LACTB2: variants seen among roughly 807,000 people sequenced by gnomAD.
LACTB2 encodes the protein lactamase beta 2, also known as endoribonuclease LACTB2.
In LACTB2, 32 loss-of-function variants were observed where a neutral mutation model predicts 34.8. The ratio of observed to expected loss-of-function variants is 0.92; its 90% CI spans 0.69 to 1.24. The LOEUF is 1.24. Among genes scored for constraint, LACTB2 ranks in the 50% most tolerant of loss-of-function variants. The pLI, the probability that LACTB2 is intolerant of heterozygous loss-of-function variation, is 0.00. For synonymous variants in LACTB2, 120 were observed against 117.5 expected (o/e 1.02, Z -0.14); for missense variants, 320 against 345.0 (o/e 0.93, Z 0.57).
chr8:70,646,628 A>G (rs1326712040), intron 3 of LACTB2: 4 of 152,140 alleles, frequency 2.6e-5, no homozygotes, highest in Admixed American at 6.5e-5. Flanking sequence ...TTTTGTTGAC[A>G]AAACTGATTA....
chr8:70,655,414 G>T (rs909721450), intron 3 of LACTB2, among the ~76,000 whole-genome samples: 1 of 151,834 alleles, frequency 6.6e-6, no homozygotes, highest in African/African-American at 2.4e-5. Flanking sequence ...TAGAGACAGG[G>T]TTTCATCATG....
intron 3 of LACTB2, among the ~76,000 whole-genome samples, chr8:70,656,437 A>G (rs536571644): frequency 6.6e-6 from 1 of 152,238 alleles, no homozygotes; most frequent in South Asian, 2.1e-4. Context: ...ATTGAAAAGG[A>G]TGTCCTTTCC....
chr8:70,663,588 C>T (rs192567090), intron 1 of LACTB2, among the ~76,000 whole-genome samples: 2 of 143,328 alleles, frequency 1.4e-5, no homozygotes, highest in East Asian at 1.9e-4. Flanking sequence ...TTAGAAGGTA[C>T]AATCAACCAA....
intron 4 of LACTB2, among the ~76,000 whole-genome samples, chr8:70,643,208 C>CATTTTTTTTTTTTTTTT (rs1818221357): frequency 1.3e-5 from 1 of 76,194 alleles, no homozygotes. Context: ...GTGTATTTTC[C>CATTTTTTTTTTTTTTTT]TTTTTTTTTT....
chr8:70,645,737 A>C (rs1250600084), intron 3 of LACTB2, among the ~76,000 whole-genome samples: 1 of 145,550 alleles, frequency 6.9e-6, no homozygotes, highest in Non-Finnish European at 1.5e-5. Context: ...GAGTGAGAAC[A>C]TGTGGTGTTT....
At chr8:70,649,491 A>G (rs1395121795) in intron 3 of LACTB2, among the ~76,000 whole-genome samples, 2 of 152,236 alleles carry the variant, frequency 1.3e-5, no homozygotes, top group African/African-American at 4.8e-5. Context: ...ACTGCAGGAA[A>G]GCAGGAAAAG....
Position 70,638,576 on chromosome 8 carries a change from CA to C in LACTB2, c.794del (p.Leu265Ter). ...EMAKHNLLLH[L>X]KKLEKEGKIF... ...TTTTTCCTTCTTTTTCTAGTTTTTT[CA>C]AATGAAGTAAGAGATTATGTTTAGC... On this transcript the variant is annotated frameshift_variant, in exon 6 of 7. Transcript: ENST00000276590. LOFTEE classifies it high-confidence loss of function. 6.6e-7 allele frequency: 1 copy of C among 1,513,314 alleles called. No homozygotes were observed. Among genetic ancestry groups the C allele is most frequent in the African/African-American group, 1.5e-5 (1 of 68,684 alleles). The allele number at this position is 1,513,314 out of a possible 1,614,324, so 93.7% of individuals were successfully genotyped here.
intron 1 of LACTB2, chr8:70,662,671 T>C (rs1818494712): frequency 6.6e-6 from 1 of 151,366 alleles, no homozygotes; most frequent in Non-Finnish European, 1.5e-5. Flanking sequence ...GACATGGGGG[T>C]GACATGTTCC....
intron 1 of LACTB2, among the ~76,000 whole-genome samples, chr8:70,666,566 AC>A (rs747999109): frequency 1.1e-4 from 16 of 152,184 alleles, no homozygotes; most frequent in Non-Finnish European, 2.4e-4. Context: ...GCCAGAATAC[AC>A]AAGGCCTTCC....
chr8:70,651,928 A>G (rs1818348745), intron 3 of LACTB2: 1 of 152,168 alleles, frequency 6.6e-6, no homozygotes, highest in Non-Finnish European at 1.5e-5. Context: ...TACTTCTGTG[A>G]TAGAGTGGAC....
intron 4 of LACTB2, among the ~76,000 whole-genome samples, chr8:70,643,025 A>G (rs16937170): frequency 0.15 from 22,911 of 152,164 alleles, 2,435 homozygotes; most frequent in African/African-American, 0.3. Context: ...CAAAAATAAC[A>G]GTGGTTTATG....
intron 1 of LACTB2, chr8:70,662,273 G>A (rs1257882197): frequency 6.4e-6 from 1 of 156,304 alleles, no homozygotes; most frequent in Non-Finnish European, 1.4e-5. Flanking sequence ...TTACTCTACA[G>A]ATAAATGGCA....
In LACTB2 at chr8:70,662,012, A is replaced by T. The variant is rs528586595; in HGVS notation, c.123-115T>A. ...CTGCAAAAATTATTTTACTTTTAAC[A>T]TGCACAAAAACCAGCTACATCACTT... is the stretch of plus-strand genomic sequence containing the variant. On this transcript the variant is annotated intron_variant, in intron 1 of 6. Transcript: ENST00000276590. The T allele has an allele frequency of 2.7e-4, 242 of 894,008 alleles. 1 individual carries two copies. In the African/African-American group the frequency reaches 3.7e-3, roughly 14 times the overall value. 55.4% of individuals were successfully genotyped at this position (894,008 alleles called of 1,614,324 possible). A position where few individuals can be genotyped will look rare whatever the true frequency, so the allele number is the denominator to read the frequency against.
chr8:70,658,425 C>G (rs1818440759), intron 2 of LACTB2, among the ~76,000 whole-genome samples: 1 of 151,962 alleles, frequency 6.6e-6, no homozygotes, highest in Non-Finnish European at 1.5e-5. Flanking sequence ...ATTAATTAAC[C>G]AATTAACAAT....
rs758621583 is a variant in LACTB2 at position 70,637,907 on chromosome 8, TA to T, written c.824-5del. ...TTGTCAGGATCTGTGTTGCTAACTG[TA>T]AAAAGAAAATCAGAGAGTAAAAATT... On this transcript the variant is annotated splice_region_variant and splice_polypyrimidine_tract_variant and intron_variant, in intron 6 of 6. Transcript: ENST00000276590. The T allele has an allele frequency of 6.5e-7, 1 of 1,529,376 alleles. No homozygotes were observed. The highest frequency in any genetic ancestry group is 1.3e-5 in the South Asian group (1 of 76,600). 94.7% of individuals were successfully genotyped at this position (1,529,376 alleles called of 1,614,324 possible).
intron 1 of LACTB2, 98 bp downstream of exon 1, chr8:70,668,901 G>C: frequency 6.7e-7 from 1 of 1,498,290 alleles, no homozygotes; most frequent in African/African-American, 1.4e-5. Flanking sequence ...CTAGGGACAG[G>C]ACGCGGCGCT....
chr8:70,664,188 G>A (rs556342519), intron 1 of LACTB2, among the ~76,000 whole-genome samples: 55 of 152,100 alleles, frequency 3.6e-4, no homozygotes, highest in African/African-American at 1.3e-3. Flanking sequence ...CATGCTTCAG[G>A]TAAGGCTCAA....
intron 6 of LACTB2, 67 bp downstream of exon 6, chr8:70,638,481 G>A (rs1818151315): frequency 1.4e-6 from 2 of 1,448,028 alleles, no homozygotes; most frequent in Non-Finnish European, 1.8e-6. Flanking sequence ...TTCCTCAAAG[G>A]AAACTAAGGC....
At position 70,661,782 on chromosome 8, in the gene LACTB2, G is replaced by C. The variant is rs745905427; in HGVS notation, c.238C>G (p.Arg80Gly). ...IQEIVVTHWH[R>G]DHSGGIGDIC... Reference sequence around the variant, plus strand: ...TCTCCTATGCCTCCAGAATGATCTCGGTGCCAGTGAGTCACTACAATTTCC... The same window carrying C: ...TCTCCTATGCCTCCAGAATGATCTCCGTGCCAGTGAGTCACTACAATTTCC... The change falls in exon 2 of 7, where the codon CGA (arginine) becomes GGA (glycine). Residue 80 changes from arginine (R) to glycine (G), a missense_variant. By Grantham distance (125) the Arg-to-Gly change is moderately radical (BLOSUM62 -2). Transcript: ENST00000276590. 1 of 1,613,086 alleles carries C rather than the reference G, an allele frequency of 6.2e-7. No individual in the cohort carries two copies. Among genetic ancestry groups the C allele is most frequent in the South Asian group, 1.1e-5 (1 of 90,966 alleles).
Sources: allele counts gnomAD v4.1 joint callset (sites outside exome capture counted in the v4.1 genomes callset), GRCh38; gene constraint gnomAD v4.1.1; transcripts MANE v1.5; gene names NCBI Gene and HGNC (gene_info 2026-07-23, HGNC 2026-07-21).